CTNND2: variants seen among roughly 807,000 people sequenced by gnomAD.
The protein encoded by CTNND2 is catenin delta 2.
CTNND2 carries 22 observed loss-of-function variants against 144.4 expected under a neutral mutation model. The ratio of observed to expected loss-of-function variants is 0.15; its 90% CI spans 0.11 to 0.22. The LOEUF is 0.22. Among genes scored for constraint, CTNND2 ranks in the 10% least tolerant of loss-of-function variants. The probability of loss-of-function intolerance (pLI) is 1.00; values close to 1 mark genes in which losing one functional copy is unlikely to be tolerated. For synonymous variants in CTNND2, 751 were observed against 695.6 expected (o/e 1.08, Z -1.25); for missense variants, 1,353 against 1,618.8 (o/e 0.84, Z 2.82).
Position 11,112,616 on chromosome 5 carries a change from C to T in CTNND2, c.2278-1573G>A, listed in dbSNP as rs187294258. On this transcript the variant is annotated intron_variant, in intron 13 of 21. Coordinates refer to ENST00000304623, the MANE Select transcript of CTNND2 (RefSeq NM_001332.4). The stretch of plus-strand genomic sequence containing the variant: ...TGACAGCAACAGGAAAGTAACACAG[C>T]GTGCAAGTACTGGGAAGAAAGCTGG... Among the ~76,000 whole-genome samples the T allele has an allele frequency of 2.0e-4, 30 of 152,318 alleles. No individual in the cohort carries two copies. The East Asian group carries it at 4.1e-3, about 21-fold the overall frequency.
chr5:11,733,247 G>C (rs1168591547), intron 1 of CTNND2, among the ~76,000 whole-genome samples: 2 of 152,144 alleles, frequency 1.3e-5, no homozygotes, highest in Non-Finnish European at 2.9e-5. Context: ...TGGTATCTGG[G>C]GGGATGAGAC....
chr5:11,678,061 C>T (rs566994308), intron 2 of CTNND2, among the ~76,000 whole-genome samples: 24 of 152,116 alleles, frequency 1.6e-4, no homozygotes, highest in Non-Finnish European at 2.2e-4. Context: ...TACCACAGAC[C>T]GTGGATGGGT....
At chr5:11,503,057 C>T (rs1770689246) in intron 3 of CTNND2, among the ~76,000 whole-genome samples, 1 of 152,112 alleles carries the variant, frequency 6.6e-6, no homozygotes. Flanking sequence ...ATGAATGAAA[C>T]TGTATGTAGC....
At chr5:11,381,456 TTCTC>T (rs1758470103) in intron 7 of CTNND2, among the ~76,000 whole-genome samples, 1 of 152,174 alleles carries the variant, frequency 6.6e-6, no homozygotes, top group Non-Finnish European at 1.5e-5. Context: ...TTTGCTCTTG[TTCTC>T]TCTGATTAAC....
intron 12 of CTNND2, among the ~76,000 whole-genome samples, chr5:11,136,541 A>G (rs1305211411): frequency 6.6e-6 from 1 of 151,754 alleles, no homozygotes; most frequent in African/African-American, 2.4e-5. Context: ...GTTATGCACC[A>G]GCAGTGCTAC....
chr5:11,234,889 A>T (rs150478832), intron 10 of CTNND2, among the ~76,000 whole-genome samples: 1 of 152,254 alleles, frequency 6.6e-6, no homozygotes, highest in East Asian at 1.9e-4. Context: ...TATCCGCAGG[A>T]GTTTCAACCC....
intron 12 of CTNND2, among the ~76,000 whole-genome samples, chr5:11,139,440 T>A (rs574798535): frequency 1.2e-4 from 19 of 152,330 alleles, no homozygotes; most frequent in African/African-American, 4.3e-4. Flanking sequence ...AGCTGATGAA[T>A]CCCTGTCTTA....
At chr5:11,577,488 T>C (rs921873073) in intron 2 of CTNND2, among the ~76,000 whole-genome samples, 1 of 152,198 alleles carries the variant, frequency 6.6e-6, no homozygotes, top group Non-Finnish European at 1.5e-5. Flanking sequence ...CAACGTCACA[T>C]GCAGGAACTA....
chr5:11,798,070 C>T (rs1025629046), intron 1 of CTNND2, among the ~76,000 whole-genome samples: 8 of 150,624 alleles, frequency 5.3e-5, no homozygotes, highest in Non-Finnish European at 7.4e-5. Context: ...CCAGCCTGGC[C>T]AACATGATGA....
Position 11,903,296 on chromosome 5 carries a change from C to G in CTNND2, c.37+521G>C. 1 of 985,774 alleles carries G rather than the reference C, an allele frequency of 1.0e-6. No homozygotes were observed. The highest frequency in any genetic ancestry group is 1.2e-6 in the Non-Finnish European group (1 of 830,200). 61.1% of individuals were successfully genotyped at this position (985,774 alleles called of 1,614,324 possible). On this transcript the variant is annotated intron_variant, in intron 1 of 21. Coordinates refer to ENST00000304623, the MANE Select transcript of CTNND2 (RefSeq NM_001332.4). The surrounding 1 kb of genome is among the most constrained non-coding windows in gnomAD (Gnocchi z 5.4). ...CCGCTAAATATAGACCAAGGGGGCT[C>G]AGGGTCTGGCAAGCCGCGGGAGCCT...
chr5:11,575,882 T>C (rs1777935905), intron 2 of CTNND2, among the ~76,000 whole-genome samples: 2 of 152,220 alleles, frequency 1.3e-5, no homozygotes, highest in South Asian at 4.2e-4. Context: ...AACAAGCTCA[T>C]CCATTCCGAA....
intron 5 of CTNND2, among the ~76,000 whole-genome samples, chr5:11,410,711 T>C (rs931121494): frequency 1.4e-4 from 22 of 152,130 alleles, no homozygotes; most frequent in Non-Finnish European, 2.4e-4. Flanking sequence ...CAATGCAAGA[T>C]GGTTAAATAC....
chr5:11,361,388 T>C (rs1180522925), intron 8 of CTNND2, among the ~76,000 whole-genome samples: 1 of 152,166 alleles, frequency 6.6e-6, no homozygotes, highest in Non-Finnish European at 1.5e-5. Context: ...ATTCCTGGGC[T>C]CAAGCGATTC....
At chr5:11,487,261 TG>T (rs1768919778) in intron 3 of CTNND2, among the ~76,000 whole-genome samples, 1 of 152,238 alleles carries the variant, frequency 6.6e-6, no homozygotes, top group East Asian at 1.9e-4. Flanking sequence ...CTAAAATGCA[TG>T]TTCTGTACCT....
intron 3 of CTNND2, among the ~76,000 whole-genome samples, chr5:11,415,883 TTCTC>T (rs1266943451): frequency 6.6e-6 from 1 of 152,208 alleles, no homozygotes; most frequent in Admixed American, 6.5e-5. Context: ...TCTTCATGCT[TTCTC>T]TCTCTCTTAA....
chr5:11,181,953 C>T lies in CTNND2; in HGVS notation c.1975+17495G>A, dbSNP rs116909526. On this transcript the variant is annotated intron_variant, in intron 11 of 21. Transcript: ENST00000304623. Reference sequence around the variant, plus strand: ...TGTGTGGTGTGTGTGTGGGGGGGTGCGTGGTATCTGTGTAGTATGTGTGTG... The same window carrying T: ...TGTGTGGTGTGTGTGTGGGGGGGTGTGTGGTATCTGTGTAGTATGTGTGTG... Among the ~76,000 whole-genome samples, 66 of 83,296 alleles carry T rather than the reference C, an allele frequency of 7.9e-4. 1 individual carries two copies. In the East Asian group the frequency reaches 0.023, roughly 29 times the overall value. The allele number at this position is 83,296 out of a possible 152,430, so 54.6% of individuals were successfully genotyped here.
chr5:11,153,081 C>A (rs145711078), intron 12 of CTNND2, among the ~76,000 whole-genome samples: 1 of 151,934 alleles, frequency 6.6e-6, no homozygotes, highest in Admixed American at 6.6e-5. Context: ...CTGGCCAACA[C>A]GGTGAAACCC....
At chr5:11,069,223 TGGTGTTGTACACA>T (rs1747963021) in intron 16 of CTNND2, among the ~76,000 whole-genome samples, 1 of 152,216 alleles carries the variant, frequency 6.6e-6, no homozygotes, top group Non-Finnish European at 1.5e-5. Context: ...CATGAACTTA[TGGTGTTGTACACA>T]GCATTCCTTA....
intron 3 of CTNND2, among the ~76,000 whole-genome samples, chr5:11,461,366 G>A (rs1161108727): frequency 3.9e-5 from 6 of 152,198 alleles, no homozygotes; most frequent in Non-Finnish European, 8.8e-5. Context: ...GGGAACCTGA[G>A]AGTAAATGTA....
Sources: allele counts gnomAD v4.1 joint callset (sites outside exome capture counted in the v4.1 genomes callset), GRCh38; gene constraint gnomAD v4.1.1; non-coding constraint Gnocchi (gnomAD v3.1); transcripts MANE v1.5; gene names NCBI Gene and HGNC (gene_info 2026-07-23, HGNC 2026-07-21).